Variants in PRRC2C observed in about 807,000 individuals in gnomAD.
PRRC2C encodes the protein protein PRRC2C.
Under a neutral mutation model 317.2 loss-of-function variants are expected in PRRC2C, and 72 were observed. The ratio of observed to expected loss-of-function variants is 0.23; its 90% CI spans 0.19 to 0.28. The LOEUF (loss-of-function observed/expected upper bound fraction) is 0.28. PRRC2C is among the 10% of genes least tolerant of loss of function. The pLI is 1.00. For synonymous variants in PRRC2C, 1,296 were observed against 1,205.9 expected (o/e 1.07, Z -1.55); for missense variants, 3,074 against 3,459.7 (o/e 0.89, Z 2.80).
At chr1:171,487,928 C>A (rs1666427443) in intron 1 of PRRC2C, among the ~76,000 whole-genome samples, 1 of 152,122 alleles carries the variant, frequency 6.6e-6, no homozygotes, top group Admixed American at 6.5e-5. Context: ...CAGGATTTTG[C>A]TTCTTAGCGA....
chr1:171,515,242 G>A (rs914740206), intron 4 of PRRC2C, among the ~76,000 whole-genome samples: 3 of 152,222 alleles, frequency 2.0e-5, no homozygotes, highest in African/African-American at 4.8e-5. Flanking sequence ...TAGGTAGATA[G>A]GAAGTTGGGT....
rs1307097876 is a variant in PRRC2C at position 171,512,385 on chromosome 1, A to G, written c.112+185A>G. ...AAACATCTTATAATTGAAAATTTAT[A>G]CTTTCATAGAGCCCTTTAAAAATAT... On this transcript the variant is annotated intron_variant, in intron 2 of 34. Coordinates refer to ENST00000647382, the MANE Select transcript of PRRC2C (RefSeq NM_001387844.1). The G allele has an allele frequency of 7.8e-6, 4 of 511,200 alleles. No individual in the cohort carries two copies. In the Admixed American group the frequency reaches 8.5e-5, roughly 11 times the overall value. The allele number at this position is 511,200 out of a possible 1,614,324, so 31.7% of individuals were successfully genotyped here.
intron 16 of PRRC2C, among the ~76,000 whole-genome samples, chr1:171,544,120 T>G (rs150846090): frequency 7.2e-5 from 11 of 152,112 alleles, no homozygotes; most frequent in Non-Finnish European, 1.5e-4. Context: ...ACTTTTTTTT[T>G]TTTATTGAGG....
chr1:171,536,298 A>G lies in PRRC2C; in HGVS notation c.2293+20A>G. ...ATCCTGGTCAGTTGAATTTGCATTT[A>G]TAGTTTTACAGGATCAAAATTTTTT... is the stretch of plus-strand genomic sequence containing the variant. On this transcript the variant is annotated intron_variant, in intron 14 of 34. Transcript: ENST00000647382. 1 of 1,607,470 alleles carries G rather than the reference A, an allele frequency of 6.2e-7. No homozygotes were observed. The highest frequency in any genetic ancestry group is 1.1e-5 in the South Asian group (1 of 89,980).
At chr1:171,569,320 T>C (rs1229143787) in intron 23 of PRRC2C, among the ~76,000 whole-genome samples, 1 of 151,828 alleles carries the variant, frequency 6.6e-6, no homozygotes, top group Non-Finnish European at 1.5e-5. Context: ...ATCTTCTTAC[T>C]TTTTTTCTAT....
chr1:171,560,617 C>T (rs977673816), intron 19 of PRRC2C, among the ~76,000 whole-genome samples: 6 of 152,162 alleles, frequency 3.9e-5, no homozygotes, highest in Non-Finnish European at 8.8e-5. Flanking sequence ...AAAAAAAGTA[C>T]AATTCAAAGG....
chr1:171,577,643 GT>G lies in PRRC2C; in HGVS notation c.7159+11del. On this transcript the variant is annotated splice_region_variant and intron_variant, in intron 26 of 34. Coordinates refer to ENST00000647382, the MANE Select transcript of PRRC2C (RefSeq NM_001387844.1). ...TGTGTCTCAGTCTGCAGCAGGTAATGTTTTTAGGCTTGAATATAAGGAATTT... is the reference window on the plus strand; with the variant it reads ...TGTGTCTCAGTCTGCAGCAGGTAATGTTTTAGGCTTGAATATAAGGAATTT... 1 of 1,607,824 alleles carries G rather than the reference GT, an allele frequency of 6.2e-7. No individual in the cohort carries two copies. Among genetic ancestry groups the G allele is most frequent in the Non-Finnish European group, 8.5e-7 (1 of 1,174,620 alleles).
chr1:171,557,162 A>C (rs1681611811), intron 18 of PRRC2C, 78 bp from the exon 19 acceptor site: 1 of 1,457,732 alleles, frequency 6.9e-7, no homozygotes, highest in Non-Finnish European at 9.1e-7. Flanking sequence ...AGTTAGTGGG[A>C]GTTGTTAAAA....
chr1:171,517,737 T>C lies in PRRC2C; in HGVS notation c.673T>C (p.Cys225Arg). Reference protein sequence around the residue: ...ILKVVEKRIACGPPQAKLNGQ... With the variant: ...ILKVVEKRIARGPPQAKLNGQ... ...CAAAGTGGTGGAAAAGAGGATAGCT[T>C]GTGGTCCTCCACAGGCTAAACTGAA... Residue 225 changes from cysteine to arginine, a missense_variant, in exon 6 of 35, where the codon TGT becomes CGT. Cys to Arg is a radical substitution (Grantham distance 180). Coordinates refer to ENST00000647382, the MANE Select transcript of PRRC2C (RefSeq NM_001387844.1). The C allele has an allele frequency of 6.2e-7, 1 of 1,613,834 alleles. No homozygotes were observed. Among genetic ancestry groups the C allele is most frequent in the Non-Finnish European group, 8.5e-7 (1 of 1,179,876 alleles).
At chr1:171,520,980 A>G (rs796431768) in intron 6 of PRRC2C, among the ~76,000 whole-genome samples, 57 of 151,584 alleles carry the variant, frequency 3.8e-4, no homozygotes, top group African/African-American at 1.4e-3. Flanking sequence ...ATTTTTTTGT[A>G]TGTTTAGTAG....
chr1:171,575,267 T>C, intron 25 of PRRC2C, 139 bp downstream of exon 25: 2 of 851,800 alleles, frequency 2.3e-6, no homozygotes, highest in Non-Finnish European at 3.5e-6. Context: ...AGTGCTGGGA[T>C]TACAGGCATG....
intron 16 of PRRC2C, among the ~76,000 whole-genome samples, 175 bp from the exon 17 acceptor site, chr1:171,545,304 G>A (rs1285487147): frequency 1.3e-5 from 2 of 152,156 alleles, no homozygotes; most frequent in African/African-American, 2.4e-5. Flanking sequence ...TGGGAAACCC[G>A]GTTTTAGTAA....
chr1:171,540,982 T>C lies in PRRC2C; in HGVS notation c.3516T>C (p.Tyr1172=). 1.9e-6 allele frequency: 3 copies of C among 1,613,898 alleles called. No homozygotes were observed. Among genetic ancestry groups the C allele is most frequent in the Non-Finnish European group, 2.5e-6 (3 of 1,179,858 alleles). The change falls in exon 16 of 35, where the codon TAT becomes TAC. Residue 1172 remains tyrosine (Y), a synonymous_variant. Transcript: ENST00000647382. ...AATCAACTTTGCCTCCCAGGACCTA[T>C]TGGAAAGAAGCTAGAGAGAGAGATT... ...KKESTLPPRT[Y]WKEARERDWF...
intron 20 of PRRC2C, among the ~76,000 whole-genome samples, chr1:171,565,514 C>T (rs1321141792): frequency 5.3e-5 from 8 of 152,202 alleles, no homozygotes; most frequent in Non-Finnish European, 1.0e-4. Flanking sequence ...GTGGCGCAAC[C>T]TAGGCTCACT....
intron 4 of PRRC2C, 123 bp downstream of exon 4, chr1:171,514,768 G>A (rs1175320509): frequency 2.4e-5 from 20 of 840,352 alleles, no homozygotes; most frequent in Non-Finnish European, 3.6e-5. Flanking sequence ...TATACTCAAG[G>A]CTCTTAAAAA....
rs1347883298 is a variant in PRRC2C, at chr1:171,541,731, C to G, written c.4265C>G (p.Pro1422Arg). Residue 1422 changes from proline to arginine, a missense_variant, in exon 16 of 35, where the codon CCT becomes CGT. By Grantham distance (103) the Pro-to-Arg change is moderately radical. This residue lies in a region of PRRC2C where 1,320 missense variants were observed against 1,395.7 expected (regional missense o/e 0.95). Transcript: ENST00000647382. The surrounding 1 kb of genome is among the most constrained non-coding windows in gnomAD (Gnocchi z 4.1). ...ERKFDPARERPRRQRPTRPPR... is the reference protein window; with the variant it reads ...ERKFDPARERRRRQRPTRPPR... The stretch of plus-strand genomic sequence containing the variant: ...AAATTTGACCCAGCTAGAGAAAGGC[C>G]TCGAAGGCAGCGTCCTACTCGACCA... The G allele has an allele frequency of 6.2e-7, 1 of 1,613,786 alleles. No homozygotes were observed. Among genetic ancestry groups the G allele is most frequent in the African/African-American group, 1.3e-5 (1 of 74,906 alleles).
chr1:171,530,509 G>T (rs1014699555), intron 11 of PRRC2C, among the ~76,000 whole-genome samples: 11 of 151,984 alleles, frequency 7.2e-5, no homozygotes, highest in African/African-American at 2.7e-4. Flanking sequence ...GCCTCCTAAA[G>T]TGCTGGAATT....
chr1:171,499,465 A>G (rs1668693972), intron 1 of PRRC2C, among the ~76,000 whole-genome samples: 1 of 152,194 alleles, frequency 6.6e-6, no homozygotes, highest in African/African-American at 2.4e-5. Context: ...AGCAGATGAG[A>G]TGGCCAAAGG....
Position 171,506,269 on chromosome 1 carries a change from T to C in PRRC2C, c.-57-5763T>C, listed in dbSNP as rs148657132. The stretch of plus-strand genomic sequence containing the variant: ...GTTTTTATTTTTTCTTTCAGTACTT[T>C]AAGCATGTAGCTCTACTGCTTGCAG... On this transcript the variant is annotated intron_variant, in intron 1 of 34. Transcript: ENST00000647382. Among the ~76,000 whole-genome samples, 586 of 152,354 alleles carry C rather than the reference T, an allele frequency of 3.8e-3. 3 individuals carry two copies. Among genetic ancestry groups the C allele is most frequent in the African/African-American group, 0.013 (534 of 41,602 alleles).
Sources: allele counts gnomAD v4.1 joint callset (sites outside exome capture counted in the v4.1 genomes callset), GRCh38; gene constraint gnomAD v4.1.1; regional missense constraint gnomAD v4.1.1; non-coding constraint Gnocchi (gnomAD v3.1); transcripts MANE v1.5; gene names NCBI Gene and HGNC (gene_info 2026-07-23, HGNC 2026-07-21).